UBTD1: variants seen among roughly 807,000 people sequenced by gnomAD.
UBTD1 encodes ubiquitin domain containing 1.
In UBTD1, 19 loss-of-function variants were observed where a neutral mutation model predicts 21.7. That is an observed-to-expected ratio of 0.87 (90% CI 0.61 to 1.28). UBTD1 has a LOEUF of 1.28. Ranked by LOEUF, UBTD1 falls within the 50% of genes most tolerant of loss-of-function variation. The pLI is 0.00. For synonymous variants in UBTD1, 116 were observed against 135.1 expected (o/e 0.86, Z 0.98); for missense variants, 282 against 315.1 (o/e 0.89, Z 0.80).
intron 1 of UBTD1, among the ~76,000 whole-genome samples, chr10:97,507,315 G>T (rs558516956): frequency 6.6e-6 from 1 of 152,206 alleles, no homozygotes; most frequent in East Asian, 1.9e-4. Context: ...CCAAATCTCT[G>T]GGAAAACAGA....
At chr10:97,510,683 G>A (rs1207709343) in intron 1 of UBTD1, among the ~76,000 whole-genome samples, 1 of 152,114 alleles carries the variant, frequency 6.6e-6, no homozygotes, top group Non-Finnish European at 1.5e-5. Flanking sequence ...GGCCAGTGAA[G>A]TTCATGTGCA....
chr10:97,569,994 T>G, intron 2 of UBTD1, 144 bp from the exon 3 acceptor site: 1 of 1,233,882 alleles, frequency 8.1e-7, no homozygotes, highest in Non-Finnish European at 1.1e-6. Context: ...TCATTTAACT[T>G]TATTTATTTC....
At chr10:97,523,745 A>C (rs1314674010) in intron 1 of UBTD1, among the ~76,000 whole-genome samples, 1 of 151,764 alleles carries the variant, frequency 6.6e-6, no homozygotes, top group Non-Finnish European at 1.5e-5. Context: ...TTTGGGTGTA[A>C]CTTGGTGGAC....
At chr10:97,500,225 C>A (rs1289936895) in intron 1 of UBTD1, among the ~76,000 whole-genome samples, 2 of 152,230 alleles carry the variant, frequency 1.3e-5, no homozygotes, top group African/African-American at 4.8e-5. Flanking sequence ...TCCTCTCCCA[C>A]CCCATTGCCA....
Position 97,568,145 on chromosome 10 carries a change from A to G in UBTD1, c.298+4A>G, listed in dbSNP as rs1455483142. The G allele has an allele frequency of 6.2e-7, 1 of 1,613,502 alleles. No individual in the cohort carries two copies. The highest frequency in any genetic ancestry group is 2.2e-5 in the East Asian group (1 of 44,880). On this transcript the variant is annotated splice_donor_region_variant and intron_variant, in intron 2 of 2. Transcript: ENST00000370664. ...GCCAGCATCACCCTGCCTCATGGTA[A>G]GTGGGCAGGGCCAGGGCTTTATCCC...
At chr10:97,530,916 C>T (rs2040526667) in intron 1 of UBTD1, among the ~76,000 whole-genome samples, 1 of 151,900 alleles carries the variant, frequency 6.6e-6, no homozygotes, top group African/African-American at 2.4e-5. Flanking sequence ...GAGACGGAGT[C>T]TGGCTCTGTT....
chr10:97,551,989 G>T (rs2040639613), intron 1 of UBTD1, among the ~76,000 whole-genome samples: 1 of 151,958 alleles, frequency 6.6e-6, no homozygotes, highest in African/African-American at 2.4e-5. Context: ...GCTCATCACT[G>T]CAGCCTTGAC....
chr10:97,517,814 C>A (rs994167005), intron 1 of UBTD1, among the ~76,000 whole-genome samples: 3 of 152,148 alleles, frequency 2.0e-5, no homozygotes, highest in Non-Finnish European at 4.4e-5. Flanking sequence ...GAATGACCAA[C>A]TGCATAGGCC....
At chr10:97,531,073 G>T (rs910944691) in intron 1 of UBTD1, among the ~76,000 whole-genome samples, 6 of 151,928 alleles carry the variant, frequency 3.9e-5, no homozygotes, top group Admixed American at 3.9e-4. Flanking sequence ...ACTTTTAGTA[G>T]AGACGGGGTT....
At chr10:97,563,131 C>T (rs1205719738) in intron 1 of UBTD1, among the ~76,000 whole-genome samples, 4 of 152,070 alleles carry the variant, frequency 2.6e-5, no homozygotes, top group South Asian at 2.1e-4. Flanking sequence ...AGAAACTAAA[C>T]GGAAGACACA....
chr10:97,507,738 T>C (rs1440890373), intron 1 of UBTD1, among the ~76,000 whole-genome samples: 1 of 126,236 alleles, frequency 7.9e-6, no homozygotes, highest in African/African-American at 3.1e-5. Flanking sequence ...ATTGCACCAC[T>C]GCACTCAAGC....
At chr10:97,500,756 T>G (rs2040372278) in intron 1 of UBTD1, among the ~76,000 whole-genome samples, 1 of 152,190 alleles carries the variant, frequency 6.6e-6, no homozygotes, top group African/African-American at 2.4e-5. Context: ...TTCTGTTTTT[T>G]CTCTCATTAC....
chr10:97,510,336 G>A (rs1246291793), intron 1 of UBTD1, among the ~76,000 whole-genome samples: 1 of 152,204 alleles, frequency 6.6e-6, no homozygotes, highest in African/African-American at 2.4e-5. Flanking sequence ...TTCCTTTGGT[G>A]ACAGGTCATT....
chr10:97,526,884 CTCT>C (rs1564737914), intron 1 of UBTD1, among the ~76,000 whole-genome samples: 2 of 148,890 alleles, frequency 1.3e-5, no homozygotes, highest in African/African-American at 4.9e-5. Context: ...AGAAATGCCT[CTCT>C]TAGGCCGAGC....
At chr10:97,552,199 T>TAA (rs561576918) in intron 1 of UBTD1, among the ~76,000 whole-genome samples, 6 of 142,076 alleles carry the variant, frequency 4.2e-5, no homozygotes, top group East Asian at 2.0e-4. Flanking sequence ...ACCCCATCTC[T>TAA]AAAAAAAAAA....
chr10:97,528,292 G>A (rs867959458), intron 1 of UBTD1, among the ~76,000 whole-genome samples: 186 of 138,170 alleles, frequency 1.3e-3, no homozygotes, highest in South Asian at 5.2e-3. Context: ...GCGGCTGGCC[G>A]GGCAGGGGGC....
intron 1 of UBTD1, among the ~76,000 whole-genome samples, chr10:97,514,454 G>A (rs1031445102): frequency 3.9e-5 from 6 of 152,074 alleles, no homozygotes; most frequent in African/African-American, 7.2e-5. Flanking sequence ...GGACACAGCC[G>A]GTTTTGCCAC....
chr10:97,507,990 G>A (rs1027992353), intron 1 of UBTD1, among the ~76,000 whole-genome samples: 4 of 152,168 alleles, frequency 2.6e-5, no homozygotes, highest in Non-Finnish European at 4.4e-5. Context: ...TCCAGCCTGC[G>A]CACTTGGAGT....
At chr10:97,543,215 A>G (rs569660487) in intron 1 of UBTD1, among the ~76,000 whole-genome samples, 104 of 152,334 alleles carry the variant, frequency 6.8e-4, no homozygotes, top group Non-Finnish European at 1.3e-3. Context: ...TGGTGGGAAG[A>G]GGGCTTCAGT....
Sources: gnomAD v4.1 joint callset for allele counts (sites outside exome capture counted in the v4.1 genomes callset) on GRCh38, gnomAD v4.1.1 for gene constraint, MANE v1.5 for transcripts, NCBI Gene and HGNC (gene_info 2026-07-23, HGNC 2026-07-21) for gene names.